ZNRF2: variants seen among roughly 807,000 people sequenced by gnomAD.
ZNRF2 encodes E3 ubiquitin-protein ligase ZNRF2.
A neutral mutation model predicts 20.4 loss-of-function variants in ZNRF2; 16 were observed. The ratio of observed to expected loss-of-function variants is 0.79; its 90% confidence interval spans 0.53 to 1.19. The LOEUF is 1.19. Ranked by LOEUF, ZNRF2 falls within the 50% of genes most tolerant of loss-of-function variation. The pLI, the probability that ZNRF2 is intolerant of heterozygous loss-of-function variation, is 0.00. For missense variants in ZNRF2, 363 were observed against 332.4 expected (o/e 1.09, Z -0.72); for synonymous variants, 178 against 144.9 (o/e 1.23, Z -1.64).
intron 2 of ZNRF2, among the ~76,000 whole-genome samples, chr7:30,354,927 T>A (rs1332969266): frequency 3.3e-5 from 5 of 152,172 alleles, no homozygotes; most frequent in African/African-American, 1.2e-4. Context: ...AAATTTAGCA[T>A]TAGAATATAA....
rs201899995 is a variant in ZNRF2, at chr7:30,343,935, T to A, written c.566-11793T>A. Reference sequence around the variant, plus strand: ...GCTTTTTTTTTTTTTTTTTTTTTTTTAATAGACCGAGTCTTGCTCTGTCAC... The same window carrying A: ...GCTTTTTTTTTTTTTTTTTTTTTTTAAATAGACCGAGTCTTGCTCTGTCAC... On this transcript the variant is annotated intron_variant, in intron 2 of 4. Coordinates refer to ENST00000323037, the MANE Select transcript of ZNRF2 (RefSeq NM_147128.4). Among the ~76,000 whole-genome samples, 1,043 of 145,536 alleles carry A rather than the reference T, an allele frequency of 7.2e-3. 12 individuals carry two copies. The highest frequency in any genetic ancestry group is 0.027 in the East Asian group (131 of 4,930).
Position 30,366,252 on chromosome 7 carries a change from G to A in ZNRF2, c.*240G>A, listed in dbSNP as rs1800213713. On this transcript the variant is annotated 3_prime_UTR_variant, in exon 5 of 5. Transcript: ENST00000323037. ...AAACATGCATACAAAGGACACACAG[G>A]GATTTTGAAAATGCTGCACATCCCT... The A allele has an allele frequency of 6.6e-6, 1 of 152,496 alleles. No individual in the cohort carries two copies. Among genetic ancestry groups the A allele is most frequent in the African/African-American group, 2.4e-5 (1 of 41,398 alleles). The allele number at this position is 152,496 out of a possible 1,614,324, so 9.4% of individuals were successfully genotyped here.
At chr7:30,355,685 A>G in intron 2 of ZNRF2, 43 bp from the exon 3 acceptor site, 1 of 1,501,274 alleles carries the variant, frequency 6.7e-7, no homozygotes, top group Non-Finnish European at 9.2e-7. Context: ...TTTCAATTTG[A>G]TGGATAATTT....
In ZNRF2 at chr7:30,290,945, A is replaced by G. The variant is rs182389353; in HGVS notation, c.469+5119A>G. ...TTATGCACTGCTCAACTCTCCATTG[A>G]ATTTGAGAGATGGATATATGTGATC... On this transcript the variant is annotated intron_variant, in intron 1 of 4. Transcript: ENST00000323037. 4.4e-4 allele frequency among the ~76,000 whole-genome samples: 67 copies of G among 152,354 alleles called. 1 individual carries two copies. The highest frequency in any genetic ancestry group is 3.4e-3 in the Middle Eastern group (1 of 294).
chr7:30,297,978 C>T (rs1050711409), intron 1 of ZNRF2, among the ~76,000 whole-genome samples: 7 of 152,034 alleles, frequency 4.6e-5, no homozygotes, highest in African/African-American at 1.4e-4. Context: ...GATCCTCCTG[C>T]CTCAGCCTCT....
chr7:30,367,655 A>T lies in ZNRF2; in HGVS notation c.*1643A>T, dbSNP rs771950750. The T allele has an allele frequency of 1.6e-4, 25 of 152,000 alleles. No individual in the cohort carries two copies. The highest frequency in any genetic ancestry group is 3.2e-4 in the Non-Finnish European group (22 of 67,880). The allele number at this position is 152,000 out of a possible 1,614,324, so 9.4% of individuals were successfully genotyped here. ...TGCTACCCAGAAAAATGTGTGTATT[A>T]TAAATAATTAAAGAGTTTTTAATTG... On this transcript the variant is annotated 3_prime_UTR_variant, in exon 5 of 5. Transcript: ENST00000323037.
At chr7:30,287,807 C>CAGG (rs1372469725) in intron 1 of ZNRF2, among the ~76,000 whole-genome samples, 2 of 151,562 alleles carry the variant, frequency 1.3e-5, no homozygotes, top group Admixed American at 6.6e-5. Context: ...CTTTTAGCTC[C>CAGG]AGTGCATTTA....
Position 30,286,535 on chromosome 7 carries a change from T to G in ZNRF2, c.469+709T>G, listed in dbSNP as rs187390213. Among the ~76,000 whole-genome samples the G allele has an allele frequency of 2.8e-4, 43 of 152,348 alleles. 1 individual carries two copies. Among genetic ancestry groups the G allele is most frequent in the African/African-American group, 8.7e-4 (36 of 41,566 alleles). ...GGTACAATAATTGGCTAGGTTCTTTTGAAGAGCAGTGTTGACTAGAGTTAA... is the reference window on the plus strand; with the variant it reads ...GGTACAATAATTGGCTAGGTTCTTTGGAAGAGCAGTGTTGACTAGAGTTAA... On this transcript the variant is annotated intron_variant, in intron 1 of 4. Transcript: ENST00000323037.
intron 1 of ZNRF2, among the ~76,000 whole-genome samples, chr7:30,319,362 C>T (rs1328830350): frequency 2.0e-5 from 3 of 152,132 alleles, no homozygotes; most frequent in Non-Finnish European, 4.4e-5. Context: ...ATTATATATA[C>T]ATTATAATCT....
chr7:30,334,620 C>T (rs558397947), intron 2 of ZNRF2, among the ~76,000 whole-genome samples: 76 of 152,010 alleles, frequency 5.0e-4, no homozygotes, highest in South Asian at 2.7e-3. Flanking sequence ...ATTTTTCTTT[C>T]GATATTTTAT....
intron 1 of ZNRF2, among the ~76,000 whole-genome samples, chr7:30,295,050 A>C (rs42572): frequency 2.6e-5 from 1 of 38,238 alleles, no homozygotes; most frequent in Non-Finnish European, 4.8e-5. Context: ...AGAGAGAGAG[A>C]GTGTGTGTGT....
At chr7:30,320,518 A>C (rs947483630) in intron 1 of ZNRF2, among the ~76,000 whole-genome samples, 5 of 152,176 alleles carry the variant, frequency 3.3e-5, no homozygotes, top group African/African-American at 4.8e-5. Flanking sequence ...GGTGATATGC[A>C]TTCTGTAGAA....
Position 30,285,495 on chromosome 7 carries a change from G to C in ZNRF2, c.138G>C (p.Ala46=), listed in dbSNP as rs2128052961. The C allele has an allele frequency of 1.9e-6, 2 of 1,069,552 alleles. No individual in the cohort carries two copies. Among genetic ancestry groups the C allele is most frequent in the East Asian group, 8.1e-5 (1 of 12,368 alleles). 66.3% of individuals were successfully genotyped at this position (1,069,552 alleles called of 1,614,324 possible). ...GGGGGARAAA[A]GRFPAQVPSA... ...GCGGGGGCGCTCGGGCCGCCGCCGC[G>C]GGGAGGTTCCCGGCTCAGGTGCCCA... The change falls in exon 1 of 5, where the codon GCG becomes GCC. Residue 46 remains alanine (A), a synonymous_variant. Transcript: ENST00000323037.
At chr7:30,312,935 CATG>C (rs1799313480) in intron 1 of ZNRF2, among the ~76,000 whole-genome samples, 1 of 152,102 alleles carries the variant, frequency 6.6e-6, no homozygotes, top group Non-Finnish European at 1.5e-5. Flanking sequence ...ATAGCTAAAA[CATG>C]ATAAAACAAC....
chr7:30,294,614 C>T (rs1798977594), intron 1 of ZNRF2, among the ~76,000 whole-genome samples: 1 of 152,128 alleles, frequency 6.6e-6, no homozygotes, highest in South Asian at 2.1e-4. Context: ...GAAACCCCAT[C>T]TCTACTAAAA....
intron 2 of ZNRF2, among the ~76,000 whole-genome samples, chr7:30,327,113 C>T (rs1286510766): frequency 6.6e-6 from 1 of 152,096 alleles, no homozygotes; most frequent in African/African-American, 2.4e-5. Context: ...GTTTCCTTTG[C>T]TGTGCAGAAG....
intron 1 of ZNRF2, among the ~76,000 whole-genome samples, chr7:30,310,193 G>A (rs1339192636): frequency 6.6e-6 from 1 of 152,204 alleles, no homozygotes; most frequent in African/African-American, 2.4e-5. Context: ...AGGTGTGGCA[G>A]CAGGAAAACA....
intron 1 of ZNRF2, among the ~76,000 whole-genome samples, chr7:30,299,351 G>A (rs1163315091): frequency 1.3e-5 from 2 of 151,788 alleles, no homozygotes; most frequent in East Asian, 1.9e-4. Context: ...CCCGGGAGGC[G>A]GAGGTTGCAG....
At chr7:30,362,641 T>C (rs1029861466) in intron 4 of ZNRF2, among the ~76,000 whole-genome samples, 185 bp downstream of exon 4, 23 of 152,356 alleles carry the variant, frequency 1.5e-4, no homozygotes, top group African/African-American at 5.5e-4. Context: ...TGGCTGGGTA[T>C]GCTGGCTCGC....
Sources: gnomAD v4.1 joint callset for allele counts (sites outside exome capture counted in the v4.1 genomes callset) on GRCh38, gnomAD v4.1.1 for gene constraint, MANE v1.5 for transcripts, NCBI Gene and HGNC (gene_info 2026-07-23, HGNC 2026-07-21) for gene names.